The following CEMIP2 variants were observed in gnomAD, a reference collection of about 807,000 sequenced individuals.
CEMIP2 encodes cell migration inducing hyaluronidase 2.
In CEMIP2, 79 loss-of-function variants were observed where a neutral mutation model predicts 146.9. The ratio of observed to expected loss-of-function variants is 0.54; its 90% CI spans 0.45 to 0.65. CEMIP2 has a LOEUF of 0.65. Among genes scored for constraint, CEMIP2 ranks in the 30% least tolerant of loss-of-function variants. The pLI is 0.00. For synonymous variants in CEMIP2, 601 were observed against 606.3 expected, an observed-to-expected ratio of 0.99 and a Z score of 0.13; for missense variants, 1,596 against 1,696.2, an observed-to-expected ratio of 0.94 and a Z score of 1.04.
In CEMIP2 at chr9:71,707,642, G is replaced by A. The variant is rs530977294; in HGVS notation, c.2985+1617C>T. Among the ~76,000 whole-genome samples the A allele has an allele frequency of 2.6e-5, 4 of 152,324 alleles. No homozygotes were observed. The East Asian group carries it at 7.7e-4, about 29-fold the overall frequency. ...GGGGGCTCAGAGAAGTGACAAGCGG[G>A]AGCCCGAAAACACACCTTTGACCGG... On this transcript the variant is annotated intron_variant, in intron 17 of 23. Coordinates refer to ENST00000377044, the MANE Select transcript of CEMIP2 (RefSeq NM_013390.3).
chr9:71,748,146 T>C (rs770840634), intron 2 of CEMIP2, among the ~76,000 whole-genome samples: 1 of 152,208 alleles, frequency 6.6e-6, no homozygotes, highest in Non-Finnish European at 1.5e-5. Flanking sequence ...ATCTGGAGCC[T>C]ACTTCAATGA....
At chr9:71,722,666 A>C (rs1425525930) in intron 11 of CEMIP2, 151 bp from the exon 12 acceptor site, 1 of 576,024 alleles carries the variant, frequency 1.7e-6, no homozygotes, top group Non-Finnish European at 3.0e-6. Context: ...AAAAAAAAAA[A>C]AACAGCTACT....
rs755240950 is a variant in CEMIP2, at chr9:71,712,138, T to G, written c.2714A>C (p.Asn905Thr). Residue 905 changes from asparagine to threonine, a missense_variant, in exon 16 of 24, where the codon AAT (asparagine) becomes ACT (threonine). Physicochemically the swap from Asn to Thr is moderately conservative, Grantham distance 65 (BLOSUM62 0). Coordinates refer to ENST00000377044, the MANE Select transcript of CEMIP2 (RefSeq NM_013390.3). ...ATTCCTGGGGGTTATCTGCCAGGAA[T>G]TCTTCATGAGGAAGCCAATTGCACT... ...YSSAIGFLMK[N>T]SWQITPRNNI... is the part of the protein sequence containing the mutation. 23 of 1,614,058 alleles carry G rather than the reference T, an allele frequency of 1.4e-5. No homozygotes were observed. The highest frequency in any genetic ancestry group is 1.9e-5 in the Non-Finnish European group (23 of 1,180,018).
chr9:71,721,077 TATAAATATAC>T (rs1290219992), intron 12 of CEMIP2, among the ~76,000 whole-genome samples: 9 of 151,998 alleles, frequency 5.9e-5, no homozygotes, highest in Admixed American at 3.9e-4. Context: ...TACACATTAC[TATAAATATAC>T]ATAAATATAT....
chr9:71,765,078 A>G (rs1327564605), intron 1 of CEMIP2, among the ~76,000 whole-genome samples: 1 of 152,150 alleles, frequency 6.6e-6, no homozygotes, highest in Non-Finnish European at 1.5e-5. Context: ...CATTCTTCTC[A>G]CTAATGCTCA....
intron 14 of CEMIP2, 98 bp downstream of exon 14, chr9:71,716,417 TAA>T: frequency 9.7e-7 from 1 of 1,033,128 alleles, no homozygotes; most frequent in Non-Finnish European, 1.4e-6. Flanking sequence ...TTTTTTATGT[TAA>T]AAAAAATAAT....
intron 1 of CEMIP2, among the ~76,000 whole-genome samples, chr9:71,761,115 C>T (rs1824622073): frequency 6.6e-6 from 1 of 152,244 alleles, no homozygotes; most frequent in Admixed American, 6.5e-5. Context: ...CGTCACCAGC[C>T]TTGCAGCTGG....
chr9:71,695,997 A>G (rs567841629), intron 20 of CEMIP2, among the ~76,000 whole-genome samples: 81 of 152,310 alleles, frequency 5.3e-4, no homozygotes, highest in Middle Eastern at 6.8e-3. Flanking sequence ...AGTAAAAGCG[A>G]TGTTCCCAGC....
chr9:71,766,399 C>T (rs1045088814), intron 1 of CEMIP2, among the ~76,000 whole-genome samples: 1 of 152,128 alleles, frequency 6.6e-6, no homozygotes, highest in Non-Finnish European at 1.5e-5. Context: ...TAAAATGTGG[C>T]TTGTCTTTCT....
rs715186 is a variant in CEMIP2 at position 71,751,968 on chromosome 9, T to C, written c.-12-1583A>G. Among the ~76,000 whole-genome samples the C allele has an allele frequency of 4.6e-3, 699 of 152,330 alleles. 42 individuals are homozygous for C. In the South Asian group the frequency reaches 0.12, roughly 27 times the overall value. On this transcript the variant is annotated intron_variant, in intron 1 of 23. Coordinates refer to ENST00000377044, the MANE Select transcript of CEMIP2 (RefSeq NM_013390.3). The stretch of plus-strand genomic sequence containing the variant: ...TTTTGTTTGAAAAAACAGACAAATA[T>C]TATGGTTAAGATTATAAAAATAGCT...
At chr9:71,737,911 C>CA (rs1407783850) in intron 5 of CEMIP2, among the ~76,000 whole-genome samples, 1 of 152,136 alleles carries the variant, frequency 6.6e-6, no homozygotes, top group Non-Finnish European at 1.5e-5. Flanking sequence ...TGAGATCCCA[C>CA]ATGCATAATA....
intron 1 of CEMIP2, among the ~76,000 whole-genome samples, chr9:71,755,953 C>T (rs1008922570): frequency 2.0e-5 from 2 of 100,938 alleles, no homozygotes; most frequent in African/African-American, 8.7e-5. Flanking sequence ...GAGCATGACT[C>T]TGTCTCACAA....
chr9:71,755,647 A>G (rs1291116279), intron 1 of CEMIP2, among the ~76,000 whole-genome samples: 1 of 152,076 alleles, frequency 6.6e-6, no homozygotes. Context: ...TATCTCATCC[A>G]TGAACCCTTC....
At chr9:71,745,630 T>A in intron 3 of CEMIP2, 51 bp from the exon 4 acceptor site, 4 of 1,490,998 alleles carry the variant, frequency 2.7e-6, no homozygotes, top group Non-Finnish European at 2.7e-6. Flanking sequence ...CTTTCTGAGA[T>A]ACAAGGAAAT....
intron 21 of CEMIP2, among the ~76,000 whole-genome samples, chr9:71,693,093 G>C (rs1197826035): frequency 6.6e-6 from 1 of 152,120 alleles, no homozygotes; most frequent in Non-Finnish European, 1.5e-5. Context: ...GAATGGTTAA[G>C]ATAGTAAAGT....
chr9:71,752,378 C>T (rs577037806), intron 1 of CEMIP2, among the ~76,000 whole-genome samples: 76 of 127,400 alleles, frequency 6.0e-4, no homozygotes, highest in African/African-American at 2.2e-3. Context: ...TAATTTTTTA[C>T]GTTCTCTATA....
chr9:71,757,844 CA>C (rs1489473255), intron 1 of CEMIP2, among the ~76,000 whole-genome samples: 1 of 152,174 alleles, frequency 6.6e-6, no homozygotes, highest in Non-Finnish European at 1.5e-5. Context: ...GTGAACTCAA[CA>C]AATACCCTGT....
At chr9:71,759,811 TG>T (rs1824571596) in intron 1 of CEMIP2, among the ~76,000 whole-genome samples, 1 of 11,548 alleles carries the variant, frequency 8.7e-5, no homozygotes. Flanking sequence ...TTCTCCTTGT[TG>T]GGGGGTACGG....
Position 71,745,385 on chromosome 9 carries a change from C to T in CEMIP2, c.667G>A (p.Gly223Ser), listed in dbSNP as rs1242671165. 1.2e-6 allele frequency: 2 copies of T among 1,614,010 alleles called. No individual in the cohort carries two copies. Among genetic ancestry groups the T allele is most frequent in the Non-Finnish European group, 1.7e-6 (2 of 1,180,020 alleles). The change falls in exon 4 of 24, where the codon GGT becomes AGT. Residue 223 changes from glycine to serine, a missense_variant. Physicochemically the swap from Gly to Ser is moderately conservative, Grantham distance 56. Transcript: ENST00000377044. The part of the protein sequence containing the change: ...SMPTFGKKFI[G>S]VEAGGTLELH... ...TCCAGTGTCCCGCCAGCTTCCACAC[C>T]AATAAACTTTTTGCCAAATGTTGGC...
Sources: gnomAD v4.1 joint callset for allele counts (sites outside exome capture counted in the v4.1 genomes callset) on GRCh38, gnomAD v4.1.1 for gene constraint, MANE v1.5 for transcripts, NCBI Gene and HGNC (gene_info 2026-07-23, HGNC 2026-07-21) for gene names.